The following PPFIA1 variants were observed in gnomAD, a reference collection of about 807,000 sequenced individuals.
PPFIA1 encodes the protein PPFI scaffold protein A1.
In PPFIA1, 25 loss-of-function variants were observed where a neutral mutation model predicts 149.9. The observed-to-expected ratio is 0.17, with a 90% confidence interval of 0.12 to 0.23. The LOEUF (loss-of-function observed/expected upper bound fraction) is 0.23. Ranked by LOEUF, PPFIA1 falls within the 10% of genes least tolerant of loss-of-function variation. The pLI is 1.00. For synonymous variants in PPFIA1, 549 were observed against 552.8 expected (o/e 0.99, Z 0.10); for missense variants, 1,362 against 1,506.5 (o/e 0.90, Z 1.59).
intron 2 of PPFIA1, among the ~76,000 whole-genome samples, chr11:70,299,981 C>T (rs907976530): frequency 6.6e-6 from 1 of 152,154 alleles, no homozygotes; most frequent in Non-Finnish European, 1.5e-5. Context: ...CGGCTACCGA[C>T]TCCGTGTTTT....
At chr11:70,374,395 T>C (rs2057399971) in intron 23 of PPFIA1, 2 of 152,286 alleles carry the variant, frequency 1.3e-5, no homozygotes, top group African/African-American at 4.8e-5. Flanking sequence ...AAAAAGATTT[T>C]CTGCAAAGTC....
At chr11:70,300,794 A>G (rs753546852) in intron 2 of PPFIA1, among the ~76,000 whole-genome samples, 15 of 152,144 alleles carry the variant, frequency 9.9e-5, no homozygotes, top group Non-Finnish European at 1.8e-4. Context: ...TGGCCTCCCA[A>G]AGTGCTGGGA....
intron 2 of PPFIA1, among the ~76,000 whole-genome samples, chr11:70,323,037 A>T (rs754215416): frequency 9.2e-5 from 14 of 152,162 alleles, no homozygotes; most frequent in Non-Finnish European, 1.9e-4. Context: ...ACAGTTTCTG[A>T]AGTCATTTTA....
At position 70,382,078 on chromosome 11, in the gene PPFIA1, G is replaced by A; in HGVS notation, c.3551-10G>A. On this transcript the variant is annotated splice_polypyrimidine_tract_variant and intron_variant, in intron 26 of 27. Coordinates refer to ENST00000253925, the MANE Select transcript of PPFIA1 (RefSeq NM_003626.5). ...TGTTTGCACGCTTCCTCTCGTGGCT[G>A]TTGAAACAGGCAATGTATCAGGAAC... 3 of 1,613,870 alleles carry A rather than the reference G, an allele frequency of 1.9e-6. No individual in the cohort carries two copies. The highest frequency in any genetic ancestry group is 1.1e-5 in the South Asian group (1 of 91,042).
In PPFIA1 at chr11:70,326,311, G is replaced by A. The variant is rs201134555; in HGVS notation, c.656G>A (p.Gly219Glu). The change falls in exon 6 of 28, where the codon GGA becomes GAA. Residue 219 changes from glycine to glutamate, a missense_variant. This residue lies in a region of PPFIA1 where 733 missense variants were observed against 744.1 expected (regional missense o/e 0.99). Transcript: ENST00000253925. ...QNNQKKTLTD[G>E]VLDINHEQEN... ...AATCAGAAAAAAACTCTAACAGATG[G>A]AGTGCTGGACATAAACCATGAACAA... 1.9e-6 allele frequency: 3 copies of A among 1,610,154 alleles called. No homozygotes were observed. In the African/African-American group the frequency reaches 4.0e-5, roughly 22 times the overall value.
Position 70,277,474 on chromosome 11 carries a change from A to G in PPFIA1, c.264+5038A>G, listed in dbSNP as rs530867902. On this transcript the variant is annotated intron_variant, in intron 2 of 27. Coordinates refer to ENST00000253925, the MANE Select transcript of PPFIA1 (RefSeq NM_003626.5). Reference sequence around the variant, plus strand: ...GTTTCATGTTTCTGCCGGGGATTATATTTCTTGTTTTTTTTTTTTCTTTTT... The same window carrying G: ...GTTTCATGTTTCTGCCGGGGATTATGTTTCTTGTTTTTTTTTTTTCTTTTT... Among the ~76,000 whole-genome samples, 131 of 148,816 alleles carry G rather than the reference A, an allele frequency of 8.8e-4. No homozygotes were observed. The Middle Eastern group carries it at 0.014, about 16-fold the overall frequency.
At chr11:70,371,264 CTT>C (rs1309431826) in intron 21 of PPFIA1, 1 of 1,706 alleles carries the variant, frequency 5.9e-4, no homozygotes. Context: ...ATTTCAGTCT[CTT>C]TAAGTATGTT....
chr11:70,379,891 C>G (rs985605592), intron 26 of PPFIA1, among the ~76,000 whole-genome samples: 4 of 152,168 alleles, frequency 2.6e-5, no homozygotes, highest in Non-Finnish European at 2.9e-5. Context: ...TATCTTTTAA[C>G]TAGGAACTTT....
intron 2 of PPFIA1, among the ~76,000 whole-genome samples, chr11:70,277,060 A>ATATATAT: frequency 2.3e-4 from 15 of 66,306 alleles, no homozygotes; most frequent in South Asian, 8.3e-4. Context: ...ATATATATAT[A>ATATATAT]TTTTTTTTTT....
At chr11:70,355,456 A>G (rs1477738924) in intron 17 of PPFIA1, among the ~76,000 whole-genome samples, 183 bp from the exon 18 acceptor site, 1 of 152,134 alleles carries the variant, frequency 6.6e-6, no homozygotes, top group African/African-American at 2.4e-5. Flanking sequence ...AGAGAGTCTC[A>G]GCTGCCCAGA....
chr11:70,359,412 G>A (rs1435628710), intron 19 of PPFIA1, among the ~76,000 whole-genome samples: 1 of 152,160 alleles, frequency 6.6e-6, no homozygotes, highest in Non-Finnish European at 1.5e-5. Flanking sequence ...GTGTGCCATG[G>A]CAATGGAGCA....
chr11:70,354,684 G>A (rs1792343354), intron 17 of PPFIA1, among the ~76,000 whole-genome samples: 1 of 152,094 alleles, frequency 6.6e-6, no homozygotes, highest in African/African-American at 2.4e-5. Context: ...AAAGAAAGGA[G>A]TTAAATGATA....
In PPFIA1 at chr11:70,370,729, C is replaced by T. The variant is rs116687905; in HGVS notation, c.2866-1486C>T. 5.2e-3 allele frequency among the ~76,000 whole-genome samples: 788 copies of T among 152,228 alleles called. 9 individuals carry two copies. Among genetic ancestry groups the T allele is most frequent in the African/African-American group, 0.017 (713 of 41,558 alleles). ...AGCAGACTCTTGGATCACTGATTTT[C>T]GAGGTCTTTCTCATTGATAATCCTT... is the stretch of plus-strand genomic sequence containing the variant. On this transcript the variant is annotated intron_variant, in intron 21 of 27. Transcript: ENST00000253925.
chr11:70,350,632 G>T (rs550156645), intron 16 of PPFIA1, among the ~76,000 whole-genome samples: 5 of 152,066 alleles, frequency 3.3e-5, no homozygotes, highest in Admixed American at 2.0e-4. Context: ...TTCCTCATCC[G>T]TTGGAATATT....
chr11:70,288,929 G>C (rs2051333230), intron 2 of PPFIA1, among the ~76,000 whole-genome samples: 1 of 151,126 alleles, frequency 6.6e-6, no homozygotes, highest in Non-Finnish European at 1.5e-5. Flanking sequence ...AGCATTTGGG[G>C]CTGGGTGTGG....
Position 70,276,270 on chromosome 11 carries a change from C to CT in PPFIA1, c.264+3850dup, listed in dbSNP as rs567492443. ...TATAGACGCACGCCACTGCGCCTTG[C>CT]TTTTTTTTTTTTTTTTAATTGCATA... On this transcript the variant is annotated intron_variant, in intron 2 of 27. Coordinates refer to ENST00000253925, the MANE Select transcript of PPFIA1 (RefSeq NM_003626.5). Among the ~76,000 whole-genome samples the CT allele has an allele frequency of 3.8e-3, 519 of 136,484 alleles. 2 individuals carry two copies. The highest frequency in any genetic ancestry group is 5.2e-3 in the Non-Finnish European group (329 of 63,288). The allele number at this position is 136,484 out of a possible 152,430, so 89.5% of individuals were successfully genotyped here.
chr11:70,329,762 C>T (rs1005105613), intron 7 of PPFIA1: 1 of 155,990 alleles, frequency 6.4e-6, no homozygotes, highest in Non-Finnish European at 1.4e-5. Flanking sequence ...ACCTCTATTT[C>T]TACAAAAAAT....
At chr11:70,306,547 T>C (rs1274766935) in intron 2 of PPFIA1, among the ~76,000 whole-genome samples, 1 of 152,248 alleles carries the variant, frequency 6.6e-6, no homozygotes, top group Non-Finnish European at 1.5e-5. Flanking sequence ...GAAATTAGTT[T>C]ACAGTAAAAT....
At chr11:70,300,223 C>T (rs988098954) in intron 2 of PPFIA1, among the ~76,000 whole-genome samples, 4 of 152,164 alleles carry the variant, frequency 2.6e-5, no homozygotes, top group Non-Finnish European at 5.9e-5. Flanking sequence ...TTACCATGCG[C>T]CCCTCAAAGC....
Sources: gnomAD v4.1 joint callset for allele counts (sites outside exome capture counted in the v4.1 genomes callset) on GRCh38, gnomAD v4.1.1 for gene constraint, gnomAD v4.1.1 regional missense constraint, MANE v1.5 for transcripts, NCBI Gene and HGNC (gene_info 2026-07-23, HGNC 2026-07-21) for gene names.